KCNJ3: variants seen among roughly 807,000 people sequenced by gnomAD.
KCNJ3 encodes G protein-activated inward rectifier potassium channel 1.
Under a neutral mutation model 39.2 loss-of-function variants are expected in KCNJ3, and 4 were observed. The observed-to-expected ratio is 0.10, with a 90% CI of 0.05 to 0.23. The LOEUF (loss-of-function observed/expected upper bound fraction) is 0.23. Ranked by LOEUF, KCNJ3 falls within the 10% of genes least tolerant of loss-of-function variation. KCNJ3 has a pLI of 1.00. For missense variants in KCNJ3, 276 were observed against 634.9 expected, an observed-to-expected ratio of 0.43 and a Z score of 6.08; for synonymous variants, 230 against 237.4, an observed-to-expected ratio of 0.97 and a Z score of 0.29.
intron 2 of KCNJ3, among the ~76,000 whole-genome samples, chr2:154,851,025 G>A (rs1188759390): frequency 6.6e-6 from 1 of 152,028 alleles, no homozygotes; most frequent in Non-Finnish European, 1.5e-5. Context: ...TGAGGTGGGA[G>A]GATTACTTGA....
chr2:154,823,156 A>G (rs569665419), intron 2 of KCNJ3, among the ~76,000 whole-genome samples: 1 of 152,124 alleles, frequency 6.6e-6, no homozygotes, highest in Non-Finnish European at 1.5e-5. Flanking sequence ...TGGTACTAAT[A>G]AAAAGTATGG....
At chr2:154,742,822 T>C (rs887520142) in intron 2 of KCNJ3, among the ~76,000 whole-genome samples, 1 of 151,850 alleles carries the variant, frequency 6.6e-6, no homozygotes, top group Admixed American at 6.6e-5. Flanking sequence ...ATTCTGTGGG[T>C]GGCCTTTTTA....
At chr2:154,805,577 C>T (rs560150122) in intron 2 of KCNJ3, among the ~76,000 whole-genome samples, 1 of 152,190 alleles carries the variant, frequency 6.6e-6, no homozygotes, top group Admixed American at 6.6e-5. Flanking sequence ...AAATTCCTGG[C>T]ATCTAAATTT....
At chr2:154,805,621 G>A (rs896133373) in intron 2 of KCNJ3, among the ~76,000 whole-genome samples, 2 of 152,078 alleles carry the variant, frequency 1.3e-5, no homozygotes, top group Admixed American at 1.3e-4. Context: ...TATGATAGAA[G>A]TATATTTAAA....
At chr2:154,834,743 T>A (rs1177312360) in intron 2 of KCNJ3, among the ~76,000 whole-genome samples, 1 of 148,082 alleles carries the variant, frequency 6.8e-6, no homozygotes, top group East Asian at 2.1e-4. Flanking sequence ...TAAAATAAAA[T>A]AAAATAAAAA....
intron 2 of KCNJ3, among the ~76,000 whole-genome samples, chr2:154,786,758 A>G (rs1574462225): frequency 6.6e-6 from 1 of 152,226 alleles, no homozygotes; most frequent in East Asian, 1.9e-4. Flanking sequence ...TTAACTGAAA[A>G]AAAATCAAGA....
At chr2:154,710,044 TA>T (rs912818699) in intron 2 of KCNJ3, among the ~76,000 whole-genome samples, 29 of 151,106 alleles carry the variant, frequency 1.9e-4, no homozygotes, top group African/African-American at 6.3e-4. Flanking sequence ...ACACTCACTG[TA>T]AAAAAAAAGT....
At chr2:154,701,960 G>A (rs1684905942) in intron 1 of KCNJ3, among the ~76,000 whole-genome samples, 1 of 151,880 alleles carries the variant, frequency 6.6e-6, no homozygotes, top group South Asian at 2.1e-4. Context: ...TCATTAAAAA[G>A]GAGTCATGTT....
intron 2 of KCNJ3, among the ~76,000 whole-genome samples, chr2:154,711,489 A>G (rs895635686): frequency 1.3e-5 from 2 of 152,076 alleles, no homozygotes; most frequent in East Asian, 1.9e-4. Context: ...CTACTTATCT[A>G]TCTAGCTACC....
chr2:154,708,915 T>A (rs1685057910), intron 1 of KCNJ3, among the ~76,000 whole-genome samples: 1 of 152,198 alleles, frequency 6.6e-6, no homozygotes, highest in Admixed American at 6.6e-5. Context: ...AGTTTTTCAC[T>A]GTTTTAAAAC....
intron 2 of KCNJ3, among the ~76,000 whole-genome samples, chr2:154,814,305 A>G (rs936665109): frequency 2.0e-5 from 3 of 152,192 alleles, no homozygotes; most frequent in Non-Finnish European, 2.9e-5. Context: ...GTATAAGTAT[A>G]CAAATATTAT....
chr2:154,736,432 C>CA (rs1685532562), intron 2 of KCNJ3, among the ~76,000 whole-genome samples: 1 of 131,242 alleles, frequency 7.6e-6, no homozygotes, highest in Admixed American at 8.5e-5. Flanking sequence ...AAAAACAAAC[C>CA]TGACACTGTG....
intron 2 of KCNJ3, among the ~76,000 whole-genome samples, chr2:154,831,831 A>G (rs1664450013): frequency 6.6e-6 from 1 of 152,212 alleles, no homozygotes; most frequent in African/African-American, 2.4e-5. Context: ...TTGTGTTACT[A>G]TAAAAGAATA....
intron 2 of KCNJ3, among the ~76,000 whole-genome samples, chr2:154,801,057 C>A (rs970007140): frequency 5.3e-5 from 8 of 152,140 alleles, no homozygotes; most frequent in African/African-American, 1.9e-4. Flanking sequence ...TTGGATATAG[C>A]AGGTACAGTG....
intron 2 of KCNJ3, among the ~76,000 whole-genome samples, chr2:154,728,719 T>C (rs1486795984): frequency 2.0e-5 from 3 of 152,202 alleles, no homozygotes; most frequent in Non-Finnish European, 4.4e-5. Flanking sequence ...TGAATTTTGG[T>C]CTAGATAGAG....
intron 2 of KCNJ3, among the ~76,000 whole-genome samples, chr2:154,724,888 T>TGTATGTATATATACAAGATACATATGAG: frequency 7.8e-6 from 1 of 128,252 alleles, no homozygotes; most frequent in Non-Finnish European, 1.6e-5. Flanking sequence ...TTATTATATA[T>TGTATGTATATATACAAGATACATATGAG]GTATGTATAT....
intron 2 of KCNJ3, among the ~76,000 whole-genome samples, chr2:154,801,989 C>T (rs959017450): frequency 2.0e-5 from 3 of 152,124 alleles, no homozygotes; most frequent in Admixed American, 6.6e-5. Flanking sequence ...AGTAATTAGC[C>T]TAACCTCCAT....
At chr2:154,809,750 AT>A (rs1428674104) in intron 2 of KCNJ3, among the ~76,000 whole-genome samples, 1 of 152,106 alleles carries the variant, frequency 6.6e-6, no homozygotes, top group Non-Finnish European at 1.5e-5. Flanking sequence ...ATCCACAATA[AT>A]TTTTTTGCCT....
chr2:154,801,722 G>C (rs887765114), intron 2 of KCNJ3, among the ~76,000 whole-genome samples: 1 of 151,842 alleles, frequency 6.6e-6, no homozygotes, highest in African/African-American at 2.4e-5. Context: ...TACCCTCCAG[G>C]TTCAAGCTGT....
Sources: gnomAD v4.1 joint callset for allele counts (sites outside exome capture counted in the v4.1 genomes callset) on GRCh38, gnomAD v4.1.1 for gene constraint, MANE v1.5 for transcripts, NCBI Gene and HGNC (gene_info 2026-07-23, HGNC 2026-07-21) for gene names.